The following CSNK2A2IP variants were observed in gnomAD, a reference collection of about 807,000 sequenced individuals.
CSNK2A2IP encodes casein kinase II subunit alpha'-interacting protein.
At chr3:88,456,484 C>T in the CSNK2A2IP span, among the ~76,000 whole-genome samples, 1 of 151,640 alleles carries the variant, frequency 6.6e-6, no homozygotes, top group Admixed American at 6.6e-5. Context: ...TTCTTTATTT[C>T]TTTTTTTGGA....
chr3:88,400,500 G>T, the CSNK2A2IP span, among the ~76,000 whole-genome samples: 3 of 152,146 alleles, frequency 2.0e-5, no homozygotes, highest in African/African-American at 7.2e-5. Flanking sequence ...ATTACATTAA[G>T]AACCTTGAGA....
the CSNK2A2IP span, among the ~76,000 whole-genome samples, chr3:88,367,219 C>T: frequency 6.6e-6 from 1 of 152,052 alleles, no homozygotes; most frequent in Non-Finnish European, 1.5e-5. Context: ...CCGATATACA[C>T]AAATAGAAAA....
the CSNK2A2IP span, among the ~76,000 whole-genome samples, chr3:88,411,744 T>A: frequency 6.6e-6 from 1 of 151,790 alleles, no homozygotes. Flanking sequence ...GATGAAAATT[T>A]AGTGTCTGAA....
the CSNK2A2IP span, among the ~76,000 whole-genome samples, chr3:88,451,805 C>A: frequency 6.6e-6 from 1 of 150,584 alleles, no homozygotes; most frequent in African/African-American, 2.4e-5. Context: ...CACTTTCTTC[C>A]TTATTTTGCT....
chr3:88,390,393 A>G, the CSNK2A2IP span, among the ~76,000 whole-genome samples: 1 of 152,210 alleles, frequency 6.6e-6, no homozygotes, highest in Non-Finnish European at 1.5e-5. Context: ...ATTCTCTGGC[A>G]TAGTGACACT....
At chr3:88,370,628 CT>C in the CSNK2A2IP span, among the ~76,000 whole-genome samples, 1 of 148,210 alleles carries the variant, frequency 6.7e-6, no homozygotes, top group Non-Finnish European at 1.5e-5. Flanking sequence ...TTCTTTCTTT[CT>C]TTCTTTTCTC....
the CSNK2A2IP span, among the ~76,000 whole-genome samples, chr3:88,422,740 G>C: frequency 2.1e-3 from 317 of 152,274 alleles, 10 homozygotes; most frequent in East Asian, 0.057. Context: ...AGAAGCCCTA[G>C]TGAGCAGAGG....
At chr3:88,364,630 A>G in the CSNK2A2IP span, among the ~76,000 whole-genome samples, 1 of 152,164 alleles carries the variant, frequency 6.6e-6, no homozygotes, top group Non-Finnish European at 1.5e-5. Flanking sequence ...TTGTTGATTG[A>G]TGACTTGTAA....
At chr3:88,441,716 A>G in the CSNK2A2IP span, among the ~76,000 whole-genome samples, 2,076 of 152,238 alleles carry the variant, frequency 0.014, 40 homozygotes, top group African/African-American at 0.048. Flanking sequence ...TCTAGATATA[A>G]TAGTTGTGAT....
chr3:88,428,527 T>G, the CSNK2A2IP span, among the ~76,000 whole-genome samples: 1 of 152,144 alleles, frequency 6.6e-6, no homozygotes, highest in Non-Finnish European at 1.5e-5. Context: ...AATCCCCACA[T>G]GTTGCGGGAG....
chr3:88,455,610 C>A, the CSNK2A2IP span, among the ~76,000 whole-genome samples: 5 of 151,732 alleles, frequency 3.3e-5, no homozygotes, highest in Non-Finnish European at 5.9e-5. Flanking sequence ...AACTATTTAT[C>A]GGATATATGG....
At chr3:88,460,172 T>G in the CSNK2A2IP span, among the ~76,000 whole-genome samples, 3 of 152,108 alleles carry the variant, frequency 2.0e-5, no homozygotes, top group Non-Finnish European at 4.4e-5. Context: ...TCTTTCATGG[T>G]GGTATTTTTT....
At chr3:88,419,960 A>G in the CSNK2A2IP span, among the ~76,000 whole-genome samples, 3 of 152,144 alleles carry the variant, frequency 2.0e-5, no homozygotes, top group Admixed American at 6.5e-5. Context: ...AGCAAAGAGG[A>G]AAAAAACCAA....
the CSNK2A2IP span, among the ~76,000 whole-genome samples, chr3:88,458,141 G>GTTTTTTTTTGTGTTTT: frequency 4.9e-4 from 41 of 83,298 alleles, no homozygotes; most frequent in African/African-American, 2.1e-3. Context: ...TGTAATTGTG[G>GTTTTTTTTTGTGTTTT]TTTTTTTTTT....
the CSNK2A2IP span, among the ~76,000 whole-genome samples, chr3:88,388,819 T>C: frequency 6.6e-6 from 1 of 152,100 alleles, no homozygotes; most frequent in African/African-American, 2.4e-5. Flanking sequence ...CACAATGAGG[T>C]CTTCCATGGA....
At chr3:88,359,890 T>A in the CSNK2A2IP span, among the ~76,000 whole-genome samples, 1 of 152,146 alleles carries the variant, frequency 6.6e-6, no homozygotes, top group Admixed American at 6.5e-5. Flanking sequence ...AACTGGTCTA[T>A]AGTGCAGGTT....
At chr3:88,394,378 T>A in the CSNK2A2IP span, among the ~76,000 whole-genome samples, 6 of 152,138 alleles carry the variant, frequency 3.9e-5, no homozygotes, top group East Asian at 1.9e-4. Context: ...TTCTAAAAAA[T>A]TTTTGTTTTT....
At chr3:88,466,056 A>G in the CSNK2A2IP span, 30 of 1,231,648 alleles carry the variant, frequency 2.4e-5, no homozygotes, top group Non-Finnish European at 3.0e-5. Context: ...GGACATCTTC[A>G]TTGCAGCGCA....
the CSNK2A2IP span, among the ~76,000 whole-genome samples, chr3:88,440,702 T>TC: frequency 1.3e-3 from 197 of 152,292 alleles, 2 homozygotes; most frequent in African/African-American, 4.3e-3. Flanking sequence ...AGCTTTTTTT[T>TC]CCCCCTTAAA....
Sources: gnomAD v4.1 joint callset for allele counts (sites outside exome capture counted in the v4.1 genomes callset) on GRCh38, gnomAD v4.1.1 for gene constraint, MANE v1.5 for transcripts, NCBI Gene and HGNC (gene_info 2026-07-23, HGNC 2026-07-21) for gene names.